ZNF704: variants seen among roughly 807,000 people sequenced by gnomAD.
ZNF704 encodes the protein glucocorticoid induced gene 1.
Under a neutral mutation model 44.7 loss-of-function variants are expected in ZNF704, and 10 were observed. That is an observed-to-expected ratio of 0.22 (90% CI 0.14 to 0.38). The LOEUF (loss-of-function observed/expected upper bound fraction) is 0.38. Among genes scored for constraint, ZNF704 ranks in the 10% least tolerant of loss-of-function variants. ZNF704 has a pLI of 1.00. For missense variants in ZNF704, 390 were observed against 545.5 expected (o/e 0.71, Z 2.84); for synonymous variants, 211 against 207.6 (o/e 1.02, Z -0.14).
At chr8:80,641,566 GA>G in intron 8 of ZNF704, 89 bp from the exon 9 acceptor site, 2 of 616,030 alleles carry the variant, frequency 3.2e-6, no homozygotes, top group Non-Finnish European at 2.4e-6. Flanking sequence ...AAGAGTGAGG[GA>G]GGAAAAAAAA....
chr8:80,658,372 T>A (rs1327181602), intron 7 of ZNF704, among the ~76,000 whole-genome samples: 1 of 149,802 alleles, frequency 6.7e-6, no homozygotes, highest in African/African-American at 2.5e-5. Flanking sequence ...TCTGGGTCTT[T>A]TTATGTCTAC....
At chr8:80,656,182 G>T (rs1021949547) in intron 7 of ZNF704, among the ~76,000 whole-genome samples, 1 of 151,958 alleles carries the variant, frequency 6.6e-6, no homozygotes, top group African/African-American at 2.4e-5. Flanking sequence ...TCTCTCTCTC[G>T]ATTTCTCTCT....
At position 80,631,724 on chromosome 8, in the gene ZNF704, G is replaced by A. The variant is rs767524436; in HGVS notation, c.*9642C>T. On this transcript the variant is annotated 3_prime_UTR_variant, in exon 9 of 9. Coordinates refer to ENST00000327835, the MANE Select transcript of ZNF704 (RefSeq NM_001033723.3). ...CAGTGAGTCTGAACAAATCTTTTGT[G>A]ATGAGCGTGGCTGGCTGTGTGACTA... 3 of 152,228 alleles carry A rather than the reference G, an allele frequency of 2.0e-5. No homozygotes were observed. Among genetic ancestry groups the A allele is most frequent in the Non-Finnish European group, 4.4e-5 (3 of 68,052 alleles). 9.4% of individuals were successfully genotyped at this position (152,228 alleles called of 1,614,324 possible). A position where few individuals can be genotyped will look rare whatever the true frequency, so the allele number is the denominator to read the frequency against.
chr8:80,789,178 A>G (rs1023441634), intron 2 of ZNF704, among the ~76,000 whole-genome samples: 1 of 152,208 alleles, frequency 6.6e-6, no homozygotes, highest in African/African-American at 2.4e-5. Context: ...GATTCTACAA[A>G]AGAGAAAAAC....
At chr8:80,652,599 C>T (rs994868132) in intron 7 of ZNF704, among the ~76,000 whole-genome samples, 7 of 151,980 alleles carry the variant, frequency 4.6e-5, no homozygotes, top group African/African-American at 1.2e-4. Context: ...ACACACACAC[C>T]CTCCCAAGAC....
In ZNF704 at chr8:80,702,641, T is replaced by C. The variant is rs116475559; in HGVS notation, c.222-9534A>G. ...GACAAATTGAGAGAAACCAGAGATC[T>C]TGATGGGGTCAAAATCAGGTGCCGA... On this transcript the variant is annotated intron_variant, in intron 2 of 8. Coordinates refer to ENST00000327835, the MANE Select transcript of ZNF704 (RefSeq NM_001033723.3). Among the ~76,000 whole-genome samples, 89 of 152,178 alleles carry C rather than the reference T, an allele frequency of 5.8e-4. 1 individual carries two copies. The highest frequency in any genetic ancestry group is 2.0e-3 in the African/African-American group (85 of 41,522).
At chr8:80,707,667 T>A (rs1818918392) in intron 2 of ZNF704, among the ~76,000 whole-genome samples, 1 of 152,224 alleles carries the variant, frequency 6.6e-6, no homozygotes, top group African/African-American at 2.4e-5. Flanking sequence ...ATACTATTTA[T>A]CTTTTGTTTC....
upstream of ZNF704, among the ~76,000 whole-genome samples, chr8:80,875,599 C>T (rs775030097): frequency 6.6e-6 from 1 of 152,208 alleles, no homozygotes; most frequent in African/African-American, 2.4e-5. Flanking sequence ...CCACCGTGCC[C>T]GGCCTTAAGT....
intron 1 of ZNF704, among the ~76,000 whole-genome samples, chr8:80,872,765 A>T (rs141395701): frequency 6.6e-6 from 1 of 152,324 alleles, no homozygotes; most frequent in Admixed American, 6.5e-5. Context: ...TCGGCGCTTC[A>T]GTGTACAGGG....
chr8:80,872,851 CTTTT>C (rs1344472872), intron 1 of ZNF704, among the ~76,000 whole-genome samples: 6 of 152,074 alleles, frequency 3.9e-5, no homozygotes, highest in Non-Finnish European at 7.3e-5. Context: ...CTGGTTTCCT[CTTTT>C]TTTCTCATTT....
At chr8:80,863,824 T>C (rs1809109272) in intron 1 of ZNF704, among the ~76,000 whole-genome samples, 1 of 152,240 alleles carries the variant, frequency 6.6e-6, no homozygotes, top group Non-Finnish European at 1.5e-5. Context: ...GTTCTTTTTG[T>C]ATGTTCTTTT....
chr8:80,794,140 G>A (rs73692142), intron 2 of ZNF704, among the ~76,000 whole-genome samples: 6,958 of 152,128 alleles, frequency 0.046, 557 homozygotes, highest in African/African-American at 0.16. Flanking sequence ...GAGAGCCTAG[G>A]CAATGAAACT....
intron 2 of ZNF704, among the ~76,000 whole-genome samples, chr8:80,766,124 T>C (rs1213860658): frequency 1.3e-5 from 2 of 152,216 alleles, no homozygotes; most frequent in African/African-American, 4.8e-5. Flanking sequence ...ATACCAGTTA[T>C]ATTATTCTAG....
intron 2 of ZNF704, among the ~76,000 whole-genome samples, chr8:80,771,178 C>T (rs536202900): frequency 1.3e-5 from 2 of 152,120 alleles, no homozygotes; most frequent in Non-Finnish European, 2.9e-5. Flanking sequence ...ATTGTTTTAA[C>T]TGTTTTACTT....
At chr8:80,813,887 A>AG (rs1483484049) in intron 2 of ZNF704, among the ~76,000 whole-genome samples, 1 of 152,138 alleles carries the variant, frequency 6.6e-6, no homozygotes, top group African/African-American at 2.4e-5. Flanking sequence ...TCAAAAAAAA[A>AG]GAAAAGAAAA....
At chr8:80,752,832 C>T (rs185771147) in intron 2 of ZNF704, among the ~76,000 whole-genome samples, 7 of 152,288 alleles carry the variant, frequency 4.6e-5, no homozygotes, top group African/African-American at 1.2e-4. Flanking sequence ...TGAGCCACCG[C>T]GCCTGGCCAA....
intron 1 of ZNF704, among the ~76,000 whole-genome samples, chr8:80,871,011 C>T (rs561520025): frequency 5.3e-5 from 8 of 152,278 alleles, no homozygotes; most frequent in African/African-American, 1.9e-4. Context: ...CCCTTTCCTT[C>T]ATTACCCATC....
chr8:80,857,613 C>A (rs994943695), intron 1 of ZNF704, among the ~76,000 whole-genome samples: 6 of 152,076 alleles, frequency 3.9e-5, no homozygotes, highest in African/African-American at 1.4e-4. Flanking sequence ...CATTTTATAT[C>A]ACTAGATTTG....
intron 4 of ZNF704, among the ~76,000 whole-genome samples, chr8:80,675,889 G>T (rs1818357533): frequency 6.6e-6 from 1 of 152,158 alleles, no homozygotes; most frequent in Non-Finnish European, 1.5e-5. Flanking sequence ...CTGAAAGCTT[G>T]GGTGTGGATG....
Sources: gnomAD v4.1 joint callset for allele counts (sites outside exome capture counted in the v4.1 genomes callset) on GRCh38, gnomAD v4.1.1 for gene constraint, MANE v1.5 for transcripts, NCBI Gene and HGNC (gene_info 2026-07-23, HGNC 2026-07-21) for gene names.